Variants in CDH13 observed in about 807,000 individuals in gnomAD.
CDH13 encodes the protein cadherin 13.
CDH13 carries 24 observed loss-of-function variants against 63.8 expected under a neutral mutation model. The observed-to-expected ratio is 0.38, with a 90% confidence interval of 0.27 to 0.53. The LOEUF (loss-of-function observed/expected upper bound fraction) is 0.53. CDH13 is among the 20% of genes least tolerant of loss of function. The probability of loss-of-function intolerance (pLI) is 0.85; values close to 1 mark genes in which losing one functional copy is unlikely to be tolerated. For missense variants in CDH13, 1,049 were observed against 903.1 expected, an observed-to-expected ratio of 1.16 and a Z score of -2.07; for synonymous variants, 503 against 355.3, an observed-to-expected ratio of 1.42 and a Z score of -4.67.
chr16:82,866,264 C>T (rs1296658011), intron 2 of CDH13, among the ~76,000 whole-genome samples: 1 of 152,054 alleles, frequency 6.6e-6, no homozygotes, highest in East Asian at 1.9e-4. Context: ...CCAGCCCCTG[C>T]CTGTTACACA....
intron 8 of CDH13, among the ~76,000 whole-genome samples, chr16:83,608,163 T>C (rs1908520284): frequency 1.3e-5 from 2 of 152,228 alleles, no homozygotes; most frequent in African/African-American, 4.8e-5. Flanking sequence ...TTTTGGCAAT[T>C]CAATGAGTTC....
chr16:83,114,221 TATTTTA>T (rs1314640697), intron 3 of CDH13, among the ~76,000 whole-genome samples: 1 of 152,246 alleles, frequency 6.6e-6, no homozygotes, highest in Non-Finnish European at 1.5e-5. Context: ...ATGCATTTTT[TATTTTA>T]ATTTTGAGAT....
At chr16:83,739,304 G>A (rs189069660) in intron 10 of CDH13, among the ~76,000 whole-genome samples, 3 of 152,244 alleles carry the variant, frequency 2.0e-5, no homozygotes, top group East Asian at 1.9e-4. Context: ...TTCCCTGATG[G>A]AGAACATTTC....
chr16:83,391,341 G>C (rs77566430), intron 6 of CDH13, among the ~76,000 whole-genome samples: 2 of 152,104 alleles, frequency 1.3e-5, no homozygotes, highest in East Asian at 3.9e-4. Flanking sequence ...GAGTAGCTGG[G>C]ATTACAGGTG....
intron 10 of CDH13, among the ~76,000 whole-genome samples, chr16:83,706,618 C>G (rs1272637659): frequency 6.6e-6 from 1 of 152,046 alleles, no homozygotes. Flanking sequence ...TTATGTCAGG[C>G]TATACAATCA....
At chr16:82,874,453 C>G (rs534581642) in intron 2 of CDH13, among the ~76,000 whole-genome samples, 1 of 152,042 alleles carries the variant, frequency 6.6e-6, no homozygotes, top group African/African-American at 2.4e-5. Flanking sequence ...AGGCCACCCC[C>G]GAGAAGTGGC....
intron 2 of CDH13, among the ~76,000 whole-genome samples, chr16:82,900,168 C>A (rs1201816613): frequency 6.6e-6 from 1 of 152,178 alleles, no homozygotes; most frequent in African/African-American, 2.4e-5. Flanking sequence ...CTTGCTGGGC[C>A]CCTTTTAGAT....
At chr16:83,594,056 T>A (rs1174013380) in intron 7 of CDH13, among the ~76,000 whole-genome samples, 2 of 152,176 alleles carry the variant, frequency 1.3e-5, no homozygotes, top group African/African-American at 4.8e-5. Flanking sequence ...CTACAAGCAA[T>A]GTGTTCAGAA....
intron 10 of CDH13, among the ~76,000 whole-genome samples, chr16:83,694,537 A>G (rs1905195991): frequency 6.6e-6 from 1 of 152,180 alleles, no homozygotes; most frequent in South Asian, 2.1e-4. Context: ...TGCTGTTATG[A>G]CTGTCCCCAG....
chr16:83,062,039 C>T (rs748826308), intron 3 of CDH13, among the ~76,000 whole-genome samples: 11 of 152,162 alleles, frequency 7.2e-5, no homozygotes, highest in Non-Finnish European at 1.2e-4. Flanking sequence ...TTTAGCAAAA[C>T]GGATGCTATC....
chr16:83,448,642 CATG>C (rs1233705954), intron 6 of CDH13, among the ~76,000 whole-genome samples: 1 of 152,162 alleles, frequency 6.6e-6, no homozygotes, highest in African/African-American at 2.4e-5. Flanking sequence ...TCCTCCTCTT[CATG>C]ATGATTTATA....
chr16:83,405,828 C>A (rs550981892), intron 6 of CDH13, among the ~76,000 whole-genome samples: 2 of 152,278 alleles, frequency 1.3e-5, no homozygotes, highest in East Asian at 3.9e-4. Flanking sequence ...TGGTTGGTAT[C>A]ACGTTGCATT....
At chr16:83,068,607 A>G (rs1189640093) in intron 3 of CDH13, among the ~76,000 whole-genome samples, 2 of 152,156 alleles carry the variant, frequency 1.3e-5, no homozygotes, top group African/African-American at 4.8e-5. Context: ...TGACTTCCCA[A>G]TAAGCCTTTG....
intron 5 of CDH13, among the ~76,000 whole-genome samples, chr16:83,233,446 G>A (rs186907684): frequency 1.3e-5 from 2 of 152,302 alleles, no homozygotes; most frequent in East Asian, 3.9e-4. Flanking sequence ...AATTACTGCA[G>A]GCTTGGTGGC....
intron 13 of CDH13, among the ~76,000 whole-genome samples, chr16:83,785,913 G>A (rs765345482): frequency 6.6e-6 from 1 of 152,188 alleles, no homozygotes; most frequent in Non-Finnish European, 1.5e-5. Context: ...CATTCTAACA[G>A]TGTCCTCCAA....
At chr16:82,650,488 G>T (rs1910599445) in intron 1 of CDH13, among the ~76,000 whole-genome samples, 1 of 152,138 alleles carries the variant, frequency 6.6e-6, no homozygotes, top group Non-Finnish European at 1.5e-5. Context: ...CTTGGCATGA[G>T]AAGTCCTAAA....
intron 5 of CDH13, among the ~76,000 whole-genome samples, chr16:83,328,996 C>T (rs1367918177): frequency 1.3e-5 from 2 of 152,086 alleles, no homozygotes; most frequent in East Asian, 1.9e-4. Flanking sequence ...GTCAAATTTC[C>T]CTAACCAGGG....
chr16:83,512,687 TA>T (rs1353005295), intron 7 of CDH13, among the ~76,000 whole-genome samples: 1 of 147,924 alleles, frequency 6.8e-6, no homozygotes, highest in African/African-American at 2.6e-5. Context: ...AATAATAATA[TA>T]ATAATAATAA....
At chr16:83,669,930 T>C (rs1035348599) in intron 8 of CDH13, among the ~76,000 whole-genome samples, 1 of 152,246 alleles carries the variant, frequency 6.6e-6, no homozygotes, top group Non-Finnish European at 1.5e-5. Flanking sequence ...CAATACTTTA[T>C]GCTTTCGGCT....
Sources: allele counts gnomAD v4.1 joint callset (sites outside exome capture counted in the v4.1 genomes callset), GRCh38; gene constraint gnomAD v4.1.1; transcripts MANE v1.5; gene names NCBI Gene and HGNC (gene_info 2026-07-23, HGNC 2026-07-21).